The following CHRNA1 variants were observed in gnomAD, a reference collection of about 807,000 sequenced individuals.
CHRNA1 encodes acetylcholine receptor subunit alpha.
CHRNA1 carries 35 observed loss-of-function variants against 47.1 expected under a neutral mutation model. The ratio of observed to expected loss-of-function variants is 0.74; its 90% CI spans 0.57 to 0.99. The LOEUF (loss-of-function observed/expected upper bound fraction) is 0.99, where lower values mean the gene tolerates loss of function less well. CHRNA1 is among the 50% of genes least tolerant of loss of function. The pLI is 0.00. For synonymous variants in CHRNA1, 229 were observed against 223.6 expected, an observed-to-expected ratio of 1.02 and a Z score of -0.22; for missense variants, 506 against 591.1, an observed-to-expected ratio of 0.86 and a Z score of 1.49.
chr2:174,755,174 C>G (rs1055334066), intron 4 of CHRNA1, among the ~76,000 whole-genome samples: 1 of 152,016 alleles, frequency 6.6e-6, no homozygotes, highest in East Asian at 1.9e-4. Flanking sequence ...AGTGAGCCAC[C>G]GTGCCTGACT....
In CHRNA1 at chr2:174,747,744, T is replaced by C; in HGVS notation, c.*380A>G. ...CAAAGAATACACTTCATTTAGAACATCAGCAACTCCCTAGTGGTCTCGTGG... is the reference window on the plus strand; with the variant it reads ...CAAAGAATACACTTCATTTAGAACACCAGCAACTCCCTAGTGGTCTCGTGG... On this transcript the variant is annotated 3_prime_UTR_variant, in exon 9 of 9. Transcript: ENST00000348749. 3.4e-6 allele frequency: 1 copy of C among 291,582 alleles called. No homozygotes were observed. Among genetic ancestry groups the C allele is most frequent in the South Asian group, 3.5e-5 (1 of 28,682 alleles). 18.1% of individuals were successfully genotyped at this position (291,582 alleles called of 1,614,324 possible). A position where few individuals can be genotyped will look rare whatever the true frequency, so the allele number is the denominator to read the frequency against.
At position 174,756,036 on chromosome 2, in the gene CHRNA1, C is replaced by CA. The variant is rs11357910; in HGVS notation, c.344+1529dup. On this transcript the variant is annotated intron_variant, in intron 4 of 8. Transcript: ENST00000348749. The stretch of plus-strand genomic sequence containing the variant: ...GAGCAATGGAGCAGAGACCTTGTCT[C>CA]AAAAAAAAAAAAAAAAATCTGGAAG... Among the ~76,000 whole-genome samples, 256 of 140,914 alleles carry CA rather than the reference C, an allele frequency of 1.8e-3. 3 individuals carry two copies. Among genetic ancestry groups the CA allele is most frequent in the African/African-American group, 5.8e-3 (222 of 37,982 alleles). The allele number at this position is 140,914 out of a possible 152,430, so 92.4% of individuals were successfully genotyped here. A position where few individuals can be genotyped will look rare whatever the true frequency, so the allele number is the denominator to read the frequency against.
At chr2:174,762,356 A>C (rs1004120073) in intron 1 of CHRNA1, among the ~76,000 whole-genome samples, 5 of 152,264 alleles carry the variant, frequency 3.3e-5, no homozygotes, top group Admixed American at 3.3e-4. Flanking sequence ...TTTTGTAAAA[A>C]GGTAGGGTGT....
chr2:174,748,340 C>T, intron 8 of CHRNA1, 85 bp from the exon 9 acceptor site: 1 of 1,571,904 alleles, frequency 6.4e-7, no homozygotes, highest in Non-Finnish European at 8.7e-7. Context: ...AACTATGGGC[C>T]CTTCAATTTG....
rs773397465 is a variant in CHRNA1 at position 174,753,546 on chromosome 2, G to T, written c.735C>A (p.Phe245Leu). The T allele has an allele frequency of 6.2e-7, 1 of 1,614,236 alleles. No individual in the cohort carries two copies. The highest frequency in any genetic ancestry group is 2.2e-5 in the East Asian group (1 of 44,888). Residue 245 changes from phenylalanine (F) to leucine (L), a missense_variant, in exon 6 of 9, where the codon TTC (phenylalanine) becomes TTA (leucine). Coordinates refer to ENST00000348749, the MANE Select transcript of CHRNA1 (RefSeq NM_000079.4). ...AGAATACCAGGCCAGTTAAGAAGGA[G>T]AAGAGCAGGCAGGGGATGATGACGT... is the stretch of plus-strand genomic sequence containing the variant. ...IVNVIIPCLL[F>L]SFLTGLVFYL...
rs746273520 is a variant in CHRNA1, at chr2:174,749,939, C to T, written c.1002+7G>A. On this transcript the variant is annotated splice_region_variant and intron_variant, in intron 7 of 8. Transcript: ENST00000348749. ...CGTGTGAAGTCTGCAGGGGCCTCCC[C>T]ACTCACCTTCCGCACCCAGTTGGGC... The T allele has an allele frequency of 6.2e-7, 1 of 1,613,150 alleles. No individual in the cohort carries two copies. The highest frequency in any genetic ancestry group is 8.5e-7 in the Non-Finnish European group (1 of 1,179,424).
At position 174,750,037 on chromosome 2, in the gene CHRNA1, A is replaced by G. The variant is rs1160614932; in HGVS notation, c.911T>C (p.Phe304Ser). 2 of 1,614,170 alleles carry G rather than the reference A, an allele frequency of 1.2e-6. No homozygotes were observed. Among genetic ancestry groups the G allele is most frequent in the Non-Finnish European group, 1.7e-6 (2 of 1,180,040 alleles). ...AGTGATGATGATGGAGGCAATGACG[A>G]ACACCATGGTGAACAGCATGTATTT... ...IGKYMLFTMV[F>S]VIASIIITVI... Residue 304 changes from phenylalanine to serine, a missense_variant, in exon 7 of 9, where the codon TTC becomes TCC. Physicochemically the swap from Phe to Ser is radical, Grantham distance 155 (BLOSUM62 -2). Transcript: ENST00000348749.
At chr2:174,751,915 A>G (rs1012426660) in intron 6 of CHRNA1, among the ~76,000 whole-genome samples, 5 of 151,924 alleles carry the variant, frequency 3.3e-5, no homozygotes, top group African/African-American at 1.2e-4. Flanking sequence ...CCTGACCTCA[A>G]GTGATCCATC....
rs1684074386 is a variant in CHRNA1 at position 174,760,094 on chromosome 2, T to A, written c.44-461A>T. 2.0e-5 allele frequency among the ~76,000 whole-genome samples: 3 copies of A among 152,076 alleles called. No individual in the cohort carries two copies. In the South Asian group the frequency reaches 6.2e-4, roughly 32 times the overall value. On this transcript the variant is annotated intron_variant, in intron 1 of 8. Transcript: ENST00000348749. ...TGGTTCAAACCCACTAGAGTGGCCA[T>A]AACTAACAAGTGGAAAATAACAAGG... is the stretch of plus-strand genomic sequence containing the variant.
rs1683816503 is a variant in CHRNA1 at position 174,750,045 on chromosome 2, G to A, written c.903C>T (p.Thr301=). ...VPLIGKYMLF[T]MVFVIASIII... Reference sequence around the variant, plus strand: ...TGATGGAGGCAATGACGAACACCATGGTGAACAGCATGTATTTTCCAATCA... The same window carrying A: ...TGATGGAGGCAATGACGAACACCATAGTGAACAGCATGTATTTTCCAATCA... The change falls in exon 7 of 9, where the codon ACC becomes ACT. Residue 301 remains threonine (T), a synonymous_variant. Transcript: ENST00000348749. The A allele has an allele frequency of 6.2e-7, 1 of 1,614,146 alleles. No homozygotes were observed. The highest frequency in any genetic ancestry group is 8.5e-7 in the Non-Finnish European group (1 of 1,180,028).
Position 174,750,084 on chromosome 2 carries a change from G to A in CHRNA1, c.864C>T (p.Ser288=), listed in dbSNP as rs780578568. 31 of 1,613,854 alleles carry A rather than the reference G, an allele frequency of 1.9e-5. No homozygotes were observed. The highest frequency in any genetic ancestry group is 2.6e-5 in the Non-Finnish European group (31 of 1,179,992). Residue 288 remains serine, a synonymous_variant, in exon 7 of 9, where the codon TCC becomes TCT. Transcript: ENST00000348749. ...LVIVELIPST[S]SAVPLIGKYM... is the part of the protein sequence containing the mutation. ...ATTTTCCAATCAAGGGCACAGCACT[G>A]GACGTGGAGGGGATCAGCTCCACGA... is the stretch of plus-strand genomic sequence containing the variant.
chr2:174,763,175 A>G (rs1191969494), intron 1 of CHRNA1, among the ~76,000 whole-genome samples: 5 of 152,238 alleles, frequency 3.3e-5, no homozygotes, highest in African/African-American at 9.6e-5. Context: ...ACCTAAATAC[A>G]TATCACATAC....
Position 174,764,407 on chromosome 2 carries a change from C to A in CHRNA1, c.-13G>T. On this transcript the variant is annotated 5_prime_UTR_variant, in exon 1 of 9. Transcript: ENST00000348749. ...GCCAGGGCTCCATGGGCTACCGGAG[C>A]TTGTGTGGACCAGGGCAGAGTGGTG... 6.2e-7 allele frequency: 1 copy of A among 1,611,508 alleles called. No homozygotes were observed. Among genetic ancestry groups the A allele is most frequent in the East Asian group, 2.2e-5 (1 of 44,816 alleles).
At chr2:174,758,530 GA>G (rs1300262771) in intron 3 of CHRNA1, among the ~76,000 whole-genome samples, 1 of 152,148 alleles carries the variant, frequency 6.6e-6, no homozygotes, top group East Asian at 1.9e-4. Context: ...ATGTTCACTG[GA>G]GAATTTTGAA....
At chr2:174,756,036 CAAAAA>C (rs11357910) in intron 4 of CHRNA1, among the ~76,000 whole-genome samples, 1 of 140,834 alleles carries the variant, frequency 7.1e-6, no homozygotes. Context: ...GACCTTGTCT[CAAAAA>C]AAAAAAAAAA....
chr2:174,757,447 TC>T (rs1574009762), intron 4 of CHRNA1, 118 bp downstream of exon 4: 2 of 693,354 alleles, frequency 2.9e-6, no homozygotes, highest in Non-Finnish European at 4.9e-6. Flanking sequence ...TGAGCCACCA[TC>T]CTGGGTGATT....
rs138563328 is a variant in CHRNA1, at chr2:174,764,402, C to T, written c.-8G>A. On this transcript the variant is annotated 5_prime_UTR_variant, in exon 1 of 9. Transcript: ENST00000348749. ...GAGAGGCCAGGGCTCCATGGGCTACCGGAGCTTGTGTGGACCAGGGCAGAG... is the reference window on the plus strand; with the variant it reads ...GAGAGGCCAGGGCTCCATGGGCTACTGGAGCTTGTGTGGACCAGGGCAGAG... The T allele has an allele frequency of 5.1e-4, 815 of 1,612,046 alleles. 5 individuals carry two copies. The African/African-American group carries it at 9.3e-3, about 18-fold the overall frequency.
At position 174,748,652 on chromosome 2, in the gene CHRNA1, G is replaced by A. The variant is rs141280544; in HGVS notation, c.1170C>T (p.Pro390=). The A allele has an allele frequency of 5.6e-6, 9 of 1,614,060 alleles. No individual in the cohort carries two copies. Among genetic ancestry groups the A allele is most frequent in the East Asian group, 2.2e-5 (1 of 44,898 alleles). The part of the protein sequence containing the change: ...MGFHSPLIKH[P]EVKSAIEGIK... ...TGCCCTCGATGGCACTTTTCACCTC[G>A]GGGTGTTTGATCAGGGGAGAGTGGA... The change falls in exon 8 of 9, where the codon CCC becomes CCT. Residue 390 remains proline (P), a synonymous_variant. Coordinates refer to ENST00000348749, the MANE Select transcript of CHRNA1 (RefSeq NM_000079.4).
chr2:174,757,093 G>A (rs1182911734), intron 4 of CHRNA1, among the ~76,000 whole-genome samples: 1 of 152,114 alleles, frequency 6.6e-6, no homozygotes, highest in Non-Finnish European at 1.5e-5. Flanking sequence ...ACAACCCTAG[G>A]AGGCTCAGAA....
Sources: allele counts gnomAD v4.1 joint callset (sites outside exome capture counted in the v4.1 genomes callset), GRCh38; gene constraint gnomAD v4.1.1; transcripts MANE v1.5; gene names NCBI Gene and HGNC (gene_info 2026-07-23, HGNC 2026-07-21).